Variants in DNAH1 observed in about 807,000 individuals in gnomAD.
The protein encoded by DNAH1 is dynein axonemal heavy chain 1.
DNAH1 carries 327 observed loss-of-function variants against 484.3 expected under a neutral mutation model. That is an observed-to-expected ratio of 0.68 (90% CI 0.62 to 0.74). DNAH1 has a LOEUF of 0.74. Among genes scored for constraint, DNAH1 ranks in the 30% least tolerant of loss-of-function variants. The pLI is 0.00. For missense variants in DNAH1, 5,052 were observed against 5,546.8 expected, an observed-to-expected ratio of 0.91 and a Z score of 2.83; for synonymous variants, 2,192 against 2,191.9, an observed-to-expected ratio of 1.00 and a Z score of 0.00.
chr3:52,375,290 C>A lies in DNAH1; in HGVS notation c.7036C>A (p.Pro2346Thr). The A allele has an allele frequency of 6.2e-7, 1 of 1,611,946 alleles. No individual in the cohort carries two copies. The highest frequency in any genetic ancestry group is 8.5e-7 in the Non-Finnish European group (1 of 1,179,104). The change falls in exon 45 of 78, where the codon CCG becomes ACG. Residue 2346 changes from proline (P) to threonine (T), a missense_variant. Pro to Thr is a conservative substitution (Grantham distance 38). Coordinates refer to ENST00000420323, the MANE Select transcript of DNAH1 (RefSeq NM_015512.5). The part of the protein sequence containing the change: ...DINFVCAMGP[P>T]GGGRNTVTPR... ...CAACTTTGTCTGTGCCATGGGCCCC[C>A]CGGGTGGAGGCAGGAACACCGTCAC...
Position 52,397,731 on chromosome 3 carries a change from C to T in DNAH1, c.11812C>T (p.Leu3938Phe). ...GGGCTACCTCTCCTACATCAAGAGC[C>T]TCCCACTCAATGATATGCCTGAGAT... ...LHGYLSYIKSLPLNDMPEIFG... is the reference protein window; with the variant it reads ...LHGYLSYIKSFPLNDMPEIFG... The change falls in exon 74 of 78, where the codon CTC becomes TTC. Residue 3938 changes from leucine to phenylalanine, a missense_variant. Transcript: ENST00000420323. The T allele has an allele frequency of 1.2e-6, 2 of 1,612,266 alleles. No homozygotes were observed. The highest frequency in any genetic ancestry group is 1.3e-5 in the African/African-American group (1 of 75,014).
intron 6 of DNAH1, among the ~76,000 whole-genome samples, chr3:52,329,718 G>A (rs1236517315): frequency 2.6e-5 from 4 of 151,776 alleles, no homozygotes; most frequent in African/African-American, 9.7e-5. Flanking sequence ...CCAGCTACTC[G>A]GGAGGCTGAG....
intron 15 of DNAH1, 108 bp from the exon 16 acceptor site, chr3:52,350,400 C>G: frequency 8.7e-7 from 1 of 1,151,682 alleles, no homozygotes; most frequent in Non-Finnish European, 1.3e-6. Flanking sequence ...CCTCCCCATT[C>G]TGAAAGAGAG....
At chr3:52,335,245 C>T (rs1701699202) in intron 8 of DNAH1, among the ~76,000 whole-genome samples, 1 of 135,748 alleles carries the variant, frequency 7.4e-6, no homozygotes, top group African/African-American at 2.8e-5. Flanking sequence ...TTAGTAGAGA[C>T]GGGGTTTCAC....
chr3:52,377,497 A>G (rs1337288835), intron 46 of DNAH1, among the ~76,000 whole-genome samples: 1 of 151,780 alleles, frequency 6.6e-6, no homozygotes, highest in Admixed American at 6.6e-5. Flanking sequence ...CCATGAAATC[A>G]TTCCATCAGT....
At chr3:52,370,337 A>G in intron 39 of DNAH1, 108 bp downstream of exon 39, 1 of 1,542,744 alleles carries the variant, frequency 6.5e-7, no homozygotes, top group East Asian at 2.3e-5. Flanking sequence ...ACATGGTGCA[A>G]CATGGACAAG....
In DNAH1 at chr3:52,361,443, C is replaced by T; in HGVS notation, c.4874+91C>T. On this transcript the variant is annotated intron_variant, in intron 29 of 77. Coordinates refer to ENST00000420323, the MANE Select transcript of DNAH1 (RefSeq NM_015512.5). The surrounding 1 kb of genome is among the most constrained non-coding windows in gnomAD (Gnocchi z 5.6). The stretch of plus-strand genomic sequence containing the variant: ...AGGTGAGGGCAGTGCCTGAGAGGGG[C>T]CTCGAAGGATGGTGGAGGGGACAGA... 2.1e-6 allele frequency: 3 copies of T among 1,420,746 alleles called. No individual in the cohort carries two copies. The highest frequency in any genetic ancestry group is 2.9e-5 in the South Asian group (2 of 69,234). 88.0% of individuals were successfully genotyped at this position (1,420,746 alleles called of 1,614,324 possible). A position where few individuals can be genotyped will look rare whatever the true frequency, so the allele number is the denominator to read the frequency against.
chr3:52,377,614 G>A (rs1028039124), intron 46 of DNAH1, among the ~76,000 whole-genome samples: 3 of 151,968 alleles, frequency 2.0e-5, no homozygotes, highest in African/African-American at 4.8e-5. Flanking sequence ...TGATCTCACC[G>A]CCTCCTGCTC....
chr3:52,373,610 C>T (rs576705265), intron 44 of DNAH1: 62 of 1,451,282 alleles, frequency 4.3e-5, no homozygotes, highest in Middle Eastern at 3.5e-4. Context: ...CAAGGTTTAG[C>T]GCAAGCAGTA....
intron 43 of DNAH1, 115 bp from the exon 44 acceptor site, chr3:52,372,780 AG>A: frequency 7.2e-7 from 1 of 1,379,396 alleles, no homozygotes; most frequent in Non-Finnish European, 9.8e-7. Context: ...AGCAATTTGG[AG>A]GAGGCTAAAA....
Position 52,358,465 on chromosome 3 carries a change from A to C in DNAH1, c.4087-93A>C. 7.6e-7 allele frequency: 1 copy of C among 1,318,878 alleles called. No individual in the cohort carries two copies. Among genetic ancestry groups the C allele is most frequent in the South Asian group, 1.5e-5 (1 of 67,662 alleles). 81.7% of individuals were successfully genotyped at this position (1,318,878 alleles called of 1,614,324 possible). A position where few individuals can be genotyped will look rare whatever the true frequency, so the allele number is the denominator to read the frequency against. Reference sequence around the variant, plus strand: ...AGGCAGGGCTTTCTTCTTGAGGTGGAGGGCACCGGGCAGGCTTAGCGCTGG... The same window carrying C: ...AGGCAGGGCTTTCTTCTTGAGGTGGCGGGCACCGGGCAGGCTTAGCGCTGG... On this transcript the variant is annotated intron_variant, in intron 24 of 77. Coordinates refer to ENST00000420323, the MANE Select transcript of DNAH1 (RefSeq NM_015512.5). The surrounding 1 kb of genome is among the most constrained non-coding windows in gnomAD (Gnocchi z 4.2).
At chr3:52,350,720 T>C in intron 16 of DNAH1, 130 bp downstream of exon 16, 1 of 885,708 alleles carries the variant, frequency 1.1e-6, no homozygotes, top group Non-Finnish European at 1.8e-6. Flanking sequence ...CCACTGAGAT[T>C]TCAGAGGCCA....
At chr3:52,350,695 C>T in intron 16 of DNAH1, 105 bp downstream of exon 16, 1 of 1,081,534 alleles carries the variant, frequency 9.2e-7, no homozygotes, top group South Asian at 1.4e-5. Flanking sequence ...TCTGTGCAAT[C>T]TCCCCAGAAA....
At chr3:52,331,014 G>C (rs1363402979) in intron 6 of DNAH1, 134 bp from the exon 7 acceptor site, 2 of 1,138,646 alleles carry the variant, frequency 1.8e-6, no homozygotes, top group Middle Eastern at 3.0e-4. Flanking sequence ...CTGGAGCAGA[G>C]GGGGGCATCC....
rs374825425 is a variant in DNAH1, at chr3:52,366,742, G to A, written c.5620G>A (p.Val1874Ile). 5 of 1,612,058 alleles carry A rather than the reference G, an allele frequency of 3.1e-6. No homozygotes were observed. In the African/African-American group the frequency reaches 5.3e-5, roughly 17 times the overall value. Residue 1874 changes from valine (V) to isoleucine (I), a missense_variant, in exon 36 of 78, where the codon GTC (valine) becomes ATC (isoleucine). Coordinates refer to ENST00000420323, the MANE Select transcript of DNAH1 (RefSeq NM_015512.5). ...TGSGKSTCYRVLAAAMTSLKG... is the reference protein window; with the variant it reads ...TGSGKSTCYRILAAAMTSLKG... ...GCGGTCCGTCTCCCAGTGTTACAGAGTCCTGGCAGCTGCCATGACGTCACT... is the reference window on the plus strand; with the variant it reads ...GCGGTCCGTCTCCCAGTGTTACAGAATCCTGGCAGCTGCCATGACGTCACT...
chr3:52,326,624 G>C, intron 4 of DNAH1, 111 bp from the exon 5 acceptor site: 1 of 1,337,228 alleles, frequency 7.5e-7, no homozygotes, highest in Non-Finnish European at 1.0e-6. Flanking sequence ...CTCCAGAGGG[G>C]TCTCTCGGCC....
intron 67 of DNAH1, 74 bp downstream of exon 67, chr3:52,394,735 G>A (rs188149971): frequency 1.4e-5 from 21 of 1,504,372 alleles, no homozygotes; most frequent in East Asian, 4.6e-5. Context: ...TTGTCTGGGC[G>A]CCTTCTCTAA....
chr3:52,386,415 C>A, intron 55 of DNAH1, 70 bp downstream of exon 55: 1 of 1,467,944 alleles, frequency 6.8e-7, no homozygotes, highest in South Asian at 1.4e-5. Flanking sequence ...CTCTGCACAT[C>A]CCCTGGGACC....
rs564893407 is a variant in DNAH1, at chr3:52,395,219, G to T, written c.10969-89G>T. 11 of 1,516,476 alleles carry T rather than the reference G, an allele frequency of 7.3e-6. No homozygotes were observed. In the African/African-American group the frequency reaches 1.2e-4, roughly 17 times the overall value. The allele number at this position is 1,516,476 out of a possible 1,614,324, so 93.9% of individuals were successfully genotyped here. On this transcript the variant is annotated intron_variant, in intron 68 of 77. Transcript: ENST00000420323. This position sits in a 1 kb window ranked among gnomAD's most constrained non-coding sequence, Gnocchi z 4.4. ...CAGCCCCCACCAGGAAGCCCACTGGGGACCACTCTGAGAACCCCAGATCCC... is the reference window on the plus strand; with the variant it reads ...CAGCCCCCACCAGGAAGCCCACTGGTGACCACTCTGAGAACCCCAGATCCC...
Sources: allele counts gnomAD v4.1 joint callset (sites outside exome capture counted in the v4.1 genomes callset), GRCh38; gene constraint gnomAD v4.1.1; non-coding constraint Gnocchi (gnomAD v3.1); transcripts MANE v1.5; gene names NCBI Gene and HGNC (gene_info 2026-07-23, HGNC 2026-07-21).